The following BTBD7 variants were observed in gnomAD, a reference collection of about 807,000 sequenced individuals.
BTBD7 encodes the protein BTB domain containing 7.
A neutral mutation model predicts 99.9 loss-of-function variants in BTBD7; 38 were observed. That is an observed-to-expected ratio of 0.38 (90% CI 0.29 to 0.50). BTBD7 has a LOEUF of 0.50. BTBD7 is among the 20% of genes least tolerant of loss of function. The pLI is 0.93. For missense variants in BTBD7, 1,170 were observed against 1,394.6 expected (o/e 0.84, Z 2.57); for synonymous variants, 520 against 511.4 (o/e 1.02, Z -0.23).
chr14:93,297,058 G>GA (rs1012727488), intron 1 of BTBD7, among the ~76,000 whole-genome samples: 1 of 152,196 alleles, frequency 6.6e-6, no homozygotes, highest in Non-Finnish European at 1.5e-5. Context: ...TTTAAGAAGA[G>GA]AAAACGCCAT....
intron 3 of BTBD7, among the ~76,000 whole-genome samples, chr14:93,292,055 C>G (rs1306366159): frequency 1.3e-5 from 2 of 152,042 alleles, no homozygotes; most frequent in Non-Finnish European, 2.9e-5. Context: ...GGCATGGTGG[C>G]AGGAGCCTGT....
In BTBD7 at chr14:93,294,654, T is replaced by C; in HGVS notation, c.366A>G (p.Arg122=). Residue 122 remains arginine, a synonymous_variant, in exon 3 of 11, where the codon AGA becomes AGG. Coordinates refer to ENST00000334746, the MANE Select transcript of BTBD7 (RefSeq NM_001002860.4). The part of the protein sequence containing the change: ...KELSLQASLA[R]PEARTLQKDM... Reference sequence around the variant, plus strand: ...CTTTCTGCAATGTCCGGGCTTCTGGTCTAGCCAAACTGGCTTGTAGAGAAA... The same window carrying C: ...CTTTCTGCAATGTCCGGGCTTCTGGCCTAGCCAAACTGGCTTGTAGAGAAA... The C allele has an allele frequency of 1.2e-6, 2 of 1,614,154 alleles. No homozygotes were observed. Among genetic ancestry groups the C allele is most frequent in the East Asian group, 4.5e-5 (2 of 44,886 alleles).
chr14:93,259,730 T>C (rs2052467534), intron 5 of BTBD7, among the ~76,000 whole-genome samples: 1 of 152,202 alleles, frequency 6.6e-6, no homozygotes. Context: ...GGTCAGGAGT[T>C]CGAGAACAGC....
intron 10 of BTBD7, chr14:93,244,422 G>A (rs532871685): frequency 1.2e-4 from 20 of 173,426 alleles, no homozygotes; most frequent in Admixed American, 2.5e-4. Context: ...AGGCTGAGGC[G>A]GGTGGATCAT....
chr14:93,331,289 G>C (rs1440850642), intron 1 of BTBD7, among the ~76,000 whole-genome samples: 1 of 152,048 alleles, frequency 6.6e-6, no homozygotes, highest in Admixed American at 6.6e-5. Context: ...CTCTAAATGG[G>C]GTAATGGGGT....
rs552100978 is a variant in BTBD7 at position 93,275,745 on chromosome 14, A to G, written c.1163-11752T>C. ...GAATACTGTAGGCAACTATAATGCA[A>G]TGGTATCTGTTCACTGAAACACATC... On this transcript the variant is annotated intron_variant, in intron 3 of 10. Coordinates refer to ENST00000334746, the MANE Select transcript of BTBD7 (RefSeq NM_001002860.4). Among the ~76,000 whole-genome samples the G allele has an allele frequency of 2.0e-5, 3 of 152,322 alleles. No individual in the cohort carries two copies. In the East Asian group the frequency reaches 5.8e-4, roughly 29 times the overall value.
chr14:93,258,089 G>T (rs907819044), intron 5 of BTBD7, among the ~76,000 whole-genome samples: 3 of 151,564 alleles, frequency 2.0e-5, no homozygotes, highest in Admixed American at 1.3e-4. Flanking sequence ...TTTAATCTAG[G>T]GGTCTGTAAT....
intron 1 of BTBD7, among the ~76,000 whole-genome samples, chr14:93,317,746 TA>T (rs2139816531): frequency 6.6e-6 from 1 of 152,334 alleles, no homozygotes; most frequent in South Asian, 2.1e-4. Context: ...ATTCCCTGAC[TA>T]TTTAATAAGG....
At chr14:93,295,680 CAGGAA>C (rs2052916694) in intron 2 of BTBD7, among the ~76,000 whole-genome samples, 1 of 152,114 alleles carries the variant, frequency 6.6e-6, no homozygotes, top group Non-Finnish European at 1.5e-5. Flanking sequence ...AAATGGGACA[CAGGAA>C]ATATGTACTT....
intron 5 of BTBD7, among the ~76,000 whole-genome samples, chr14:93,261,056 A>G (rs1027123505): frequency 2.7e-5 from 4 of 150,886 alleles, no homozygotes; most frequent in Non-Finnish European, 5.9e-5. Context: ...ACTTCCCACT[A>G]ATTTTTGTAT....
chr14:93,308,428 G>C (rs2053097686), intron 1 of BTBD7, among the ~76,000 whole-genome samples: 1 of 151,828 alleles, frequency 6.6e-6, no homozygotes. Context: ...AAGCAATAAA[G>C]TAAATAATTT....
At chr14:93,265,022 G>A (rs2052526770) in intron 3 of BTBD7, among the ~76,000 whole-genome samples, 1 of 152,150 alleles carries the variant, frequency 6.6e-6, no homozygotes, top group South Asian at 2.1e-4. Context: ...TCGAGAGGCG[G>A]AGGTTGCAGT....
rs150565836 is a variant in BTBD7, at chr14:93,268,863, AT to A, written c.1163-4871del. On this transcript the variant is annotated intron_variant, in intron 3 of 10. Coordinates refer to ENST00000334746, the MANE Select transcript of BTBD7 (RefSeq NM_001002860.4). ...AACCACCACCTCCTGGGTTCAAGGG[AT>A]TCTCCCGTCTCAGCCTCCTGAGTAG... Among the ~76,000 whole-genome samples the A allele has an allele frequency of 9.3e-3, 1,376 of 147,524 alleles. 33 individuals carry two copies. The highest frequency in any genetic ancestry group is 0.087 in the East Asian group (433 of 5,004).
intron 1 of BTBD7, among the ~76,000 whole-genome samples, chr14:93,309,315 G>A (rs984696747): frequency 2.0e-5 from 3 of 151,918 alleles, no homozygotes; most frequent in African/African-American, 7.3e-5. Flanking sequence ...AGTAAAATGG[G>A]CCAGGTGCAG....
At chr14:93,256,034 T>C (rs2052425546) in intron 6 of BTBD7, 1 of 152,248 alleles carries the variant, frequency 6.6e-6, no homozygotes, top group Non-Finnish European at 1.5e-5. Flanking sequence ...GGCTACCCCA[T>C]AGGCAGTATG....
At chr14:93,258,312 G>C (rs2052452847) in intron 5 of BTBD7, among the ~76,000 whole-genome samples, 1 of 151,968 alleles carries the variant, frequency 6.6e-6, no homozygotes. Context: ...GTGTAGAAAA[G>C]AGTCATTTTT....
At chr14:93,290,274 G>A (rs2052833094) in intron 3 of BTBD7, among the ~76,000 whole-genome samples, 1 of 151,200 alleles carries the variant, frequency 6.6e-6, no homozygotes, top group African/African-American at 2.4e-5. Flanking sequence ...GTGCAGTGGT[G>A]CGATCTCAGC....
chr14:93,309,414 A>G (rs1483454774), intron 1 of BTBD7, among the ~76,000 whole-genome samples: 1 of 151,386 alleles, frequency 6.6e-6, no homozygotes, highest in Non-Finnish European at 1.5e-5. Context: ...CCAAGAAAAA[A>G]AAAAAAAAAA....
chr14:93,275,963 C>T (rs1304350209), intron 3 of BTBD7, among the ~76,000 whole-genome samples: 1 of 152,178 alleles, frequency 6.6e-6, no homozygotes, highest in East Asian at 1.9e-4. Context: ...CCTGTAGTCC[C>T]AGCACTTTGG....
Sources: gnomAD v4.1 joint callset for allele counts (sites outside exome capture counted in the v4.1 genomes callset) on GRCh38, gnomAD v4.1.1 for gene constraint, MANE v1.5 for transcripts, NCBI Gene and HGNC (gene_info 2026-07-23, HGNC 2026-07-21) for gene names.